The following OCA2 variants were observed in gnomAD, a reference collection of about 807,000 sequenced individuals.
OCA2 encodes the protein OCA2 melanosomal transmembrane protein, also known as P protein.
Under a neutral mutation model 100.2 loss-of-function variants are expected in OCA2, and 77 were observed. The observed-to-expected ratio is 0.77, with a 90% CI of 0.64 to 0.93. The LOEUF (loss-of-function observed/expected upper bound fraction) is 0.93, where lower values mean the gene tolerates loss of function less well. Ranked by LOEUF, OCA2 falls within the 40% of genes least tolerant of loss-of-function variation. OCA2 has a pLI of 0.00. For synonymous variants in OCA2, 432 were observed against 439.2 expected (o/e 0.98, Z 0.21); for missense variants, 1,062 against 1,089.1 (o/e 0.98, Z 0.35).
intron 19 of OCA2, among the ~76,000 whole-genome samples, chr15:27,886,058 G>A (rs574827629): frequency 2.8e-4 from 43 of 152,302 alleles, no homozygotes; most frequent in Admixed American, 2.4e-3. Flanking sequence ...CTCTAGAGAG[G>A]TGAACCACCA....
intron 6 of OCA2, among the ~76,000 whole-genome samples, chr15:28,020,123 C>A (rs1288579505): frequency 6.6e-6 from 1 of 152,128 alleles, no homozygotes; most frequent in Admixed American, 6.5e-5. Context: ...CTCCCCGCCC[C>A]CACCCATCCC....
intron 2 of OCA2, among the ~76,000 whole-genome samples, chr15:28,063,320 T>G (rs2043930595): frequency 6.6e-6 from 1 of 152,174 alleles, no homozygotes; most frequent in Admixed American, 6.5e-5. Flanking sequence ...GTGTGTTTCT[T>G]GGCGATAGCA....
intron 2 of OCA2, among the ~76,000 whole-genome samples, chr15:28,034,800 C>CGG (rs780459927): frequency 0.02 from 3,018 of 152,280 alleles, 55 homozygotes; most frequent in African/African-American, 0.048. Flanking sequence ...TACATACACA[C>CGG]TTAATAATGA....
intron 14 of OCA2, among the ~76,000 whole-genome samples, chr15:27,972,700 A>AT (rs371672821): frequency 0.023 from 3,387 of 146,454 alleles, 65 homozygotes; most frequent in Middle Eastern, 0.077. Context: ...TATTGGGATT[A>AT]TTTTTTTTTT....
At chr15:27,818,683 T>C (rs554410982) in intron 23 of OCA2, among the ~76,000 whole-genome samples, 1 of 152,274 alleles carries the variant, frequency 6.6e-6, no homozygotes, top group East Asian at 1.9e-4. Context: ...TGAGAGACCA[T>C]GGAGGAGGCT....
chr15:27,725,712 C>T, the OCA2 span, among the ~76,000 whole-genome samples: 1 of 152,222 alleles, frequency 6.6e-6, no homozygotes, highest in South Asian at 2.1e-4. Flanking sequence ...GGAGCTCTCC[C>T]TCCAGGGTGT....
intron 9 of OCA2, among the ~76,000 whole-genome samples, chr15:28,012,640 A>C (rs2042276463): frequency 6.6e-6 from 1 of 152,222 alleles, no homozygotes; most frequent in African/African-American, 2.4e-5. Context: ...TTTGTAGAGA[A>C]GGAGAGGTTT....
Position 27,999,508 on chromosome 15 carries a change from T to A in OCA2, c.1045-8861A>T, listed in dbSNP as rs983224828. ...TATATAACAAGCCCACAGCTAACAT[T>A]ATACTCCATAGTGAAAAGCTGAAAG... On this transcript the variant is annotated intron_variant, in intron 9 of 23. Coordinates refer to ENST00000354638, the MANE Select transcript of OCA2 (RefSeq NM_000275.3). 2.0e-5 allele frequency among the ~76,000 whole-genome samples: 3 copies of A among 152,170 alleles called. No individual in the cohort carries two copies. In the East Asian group the frequency reaches 5.8e-4, roughly 29 times the overall value.
intron 18 of OCA2, among the ~76,000 whole-genome samples, chr15:27,939,910 G>A (rs1427283768): frequency 6.6e-6 from 1 of 152,178 alleles, no homozygotes; most frequent in Non-Finnish European, 1.5e-5. Flanking sequence ...CTCATTGCAG[G>A]TTTTCCTGTG....
chr15:27,828,144 C>T (rs893836775), intron 23 of OCA2, among the ~76,000 whole-genome samples: 1 of 152,158 alleles, frequency 6.6e-6, no homozygotes, highest in Non-Finnish European at 1.5e-5. Flanking sequence ...CCCTGTCTGC[C>T]CTGATTCCTA....
intron 23 of OCA2, among the ~76,000 whole-genome samples, chr15:27,835,437 G>T (rs569814268): frequency 1.3e-5 from 2 of 152,260 alleles, no homozygotes; most frequent in Admixed American, 1.3e-4. Flanking sequence ...CCACAACCTG[G>T]ACAGGAGACA....
At chr15:27,902,751 G>A (rs1202329276) in intron 19 of OCA2, among the ~76,000 whole-genome samples, 2 of 152,220 alleles carry the variant, frequency 1.3e-5, no homozygotes, top group Non-Finnish European at 2.9e-5. Flanking sequence ...CAGGCTGGGG[G>A]CGGGATGGCC....
chr15:27,966,785 A>G lies in OCA2; in HGVS notation c.1541T>C (p.Ile514Thr), dbSNP rs142152913. 1.9e-6 allele frequency: 3 copies of G among 1,613,222 alleles called. No individual in the cohort carries two copies. The highest frequency in any genetic ancestry group is 3.3e-5 in the Admixed American group (2 of 60,022). The stretch of plus-strand genomic sequence containing the variant: ...GACCAGGAGAACAAGGCAAATCCCA[A>G]TGAACATGTGTGCAGTGAATCCGGC... ...DFAGFTAHMF[I>T]GICLVLLVCF... Residue 514 changes from isoleucine (I) to threonine (T), a missense_variant, in exon 15 of 24, where the codon ATT (isoleucine) becomes ACT (threonine). Physicochemically the swap from Ile to Thr is moderately conservative, Grantham distance 89. Transcript: ENST00000354638.
At chr15:27,933,658 G>C (rs1278879766) in intron 18 of OCA2, among the ~76,000 whole-genome samples, 1 of 152,170 alleles carries the variant, frequency 6.6e-6, no homozygotes, top group African/African-American at 2.4e-5. Flanking sequence ...TGCAGGCCAG[G>C]GCGGGAGTCA....
intron 19 of OCA2, among the ~76,000 whole-genome samples, chr15:27,918,321 C>T (rs1339236901): frequency 6.6e-5 from 10 of 152,080 alleles, no homozygotes; most frequent in Admixed American, 5.2e-4. Context: ...CCACCTGCCT[C>T]GGCCTCCCAA....
At chr15:27,904,779 C>G (rs1396119501) in intron 19 of OCA2, among the ~76,000 whole-genome samples, 1 of 151,870 alleles carries the variant, frequency 6.6e-6, no homozygotes, top group Non-Finnish European at 1.5e-5. Flanking sequence ...CTCAAGCTTG[C>G]CTGGGTAGGC....
chr15:27,730,969 G>A, the OCA2 span, among the ~76,000 whole-genome samples: 1 of 151,496 alleles, frequency 6.6e-6, no homozygotes, highest in East Asian at 1.9e-4. Context: ...TTTTCCCTAA[G>A]TGAGTTAAAA....
At chr15:27,746,499 AC>A in the OCA2 span, among the ~76,000 whole-genome samples, 4 of 148,438 alleles carry the variant, frequency 2.7e-5, no homozygotes, top group East Asian at 4.3e-4. Flanking sequence ...AATAAATAGA[AC>A]TTTTTTCCCC....
At chr15:27,881,074 C>T (rs897418986) in intron 19 of OCA2, among the ~76,000 whole-genome samples, 3 of 151,928 alleles carry the variant, frequency 2.0e-5, no homozygotes, top group African/African-American at 2.4e-5. Context: ...CATGAAAGGA[C>T]GTTGAATTTT....
Sources: allele counts gnomAD v4.1 joint callset (sites outside exome capture counted in the v4.1 genomes callset), GRCh38; gene constraint gnomAD v4.1.1; transcripts MANE v1.5; gene names NCBI Gene and HGNC (gene_info 2026-07-23, HGNC 2026-07-21).